The following PDE1A variants were observed in gnomAD, a reference collection of about 807,000 sequenced individuals.
PDE1A encodes the protein phosphodiesterase 1A.
PDE1A carries 35 observed loss-of-function variants against 61.7 expected under a neutral mutation model. The ratio of observed to expected loss-of-function variants is 0.57; its 90% CI spans 0.43 to 0.75. The LOEUF (loss-of-function observed/expected upper bound fraction) is 0.75. Among genes scored for constraint, PDE1A ranks in the 30% least tolerant of loss-of-function variants. The pLI is 0.00. For synonymous variants in PDE1A, 232 were observed against 213.2 expected (o/e 1.09, Z -0.77); for missense variants, 597 against 630.6 (o/e 0.95, Z 0.57).
At chr2:182,237,503 A>G (rs1690123160) in intron 3 of PDE1A, among the ~76,000 whole-genome samples, 1 of 152,116 alleles carries the variant, frequency 6.6e-6, no homozygotes, top group Non-Finnish European at 1.5e-5. Flanking sequence ...AAACACACAA[A>G]CAAAAAACAA....
intron 7 of PDE1A, among the ~76,000 whole-genome samples, chr2:182,210,412 A>C (rs574303562): frequency 6.6e-6 from 1 of 152,300 alleles, no homozygotes; most frequent in Non-Finnish European, 1.5e-5. Flanking sequence ...CATGATATGG[A>C]ATATCTTTTC....
chr2:182,221,624 T>A (rs1476580891), intron 7 of PDE1A, among the ~76,000 whole-genome samples: 1 of 152,050 alleles, frequency 6.6e-6, no homozygotes, highest in Non-Finnish European at 1.5e-5. Context: ...ACAGACAGAA[T>A]GCCCTCCCCA....
At chr2:182,360,960 G>A (rs1426413148) in intron 1 of PDE1A, among the ~76,000 whole-genome samples, 2 of 151,918 alleles carry the variant, frequency 1.3e-5, no homozygotes, top group African/African-American at 4.8e-5. Flanking sequence ...AATAATAAAG[G>A]CTTATTTGTC....
chr2:182,614,551 ATC>A, the PDE1A span, among the ~76,000 whole-genome samples: 3 of 139,860 alleles, frequency 2.1e-5, no homozygotes, highest in South Asian at 2.3e-4. Flanking sequence ...TAACTAGCAT[ATC>A]TTTTTTTTTT....
chr2:182,503,440 G>A (rs965461132), intron 2 of PDE1A, among the ~76,000 whole-genome samples: 1 of 152,152 alleles, frequency 6.6e-6, no homozygotes, highest in African/African-American at 2.4e-5. Flanking sequence ...TCTTATCAAG[G>A]CTTGCTGGAT....
Position 182,243,005 on chromosome 2 carries a change from C to T in PDE1A, c.168-2713G>A, listed in dbSNP as rs73046097. 7.2e-3 allele frequency among the ~76,000 whole-genome samples: 1,081 copies of T among 150,132 alleles called. 10 individuals are homozygous for T. The highest frequency in any genetic ancestry group is 0.024 in the African/African-American group (987 of 40,650). ...ATCTTTCCATCATTTATGAATGCTGCGTGATAACTACCAGTGTAGGTTATA... is the reference window on the plus strand; with the variant it reads ...ATCTTTCCATCATTTATGAATGCTGTGTGATAACTACCAGTGTAGGTTATA... On this transcript the variant is annotated intron_variant, in intron 2 of 13. Transcript: ENST00000351439.
chr2:182,416,627 T>C (rs767755836), intron 1 of PDE1A, among the ~76,000 whole-genome samples: 34 of 152,006 alleles, frequency 2.2e-4, no homozygotes, highest in Non-Finnish European at 4.4e-4. Flanking sequence ...CCAGAAAACA[T>C]AAATAAGAAA....
intron 13 of PDE1A, among the ~76,000 whole-genome samples, chr2:182,172,577 T>C (rs1156771017): frequency 6.6e-6 from 1 of 152,040 alleles, no homozygotes; most frequent in East Asian, 1.9e-4. Flanking sequence ...CCACTCTTAC[T>C]AGAACTCTAA....
At chr2:182,457,227 GC>G (rs1453469759) in intron 2 of PDE1A, among the ~76,000 whole-genome samples, 2 of 151,880 alleles carry the variant, frequency 1.3e-5, no homozygotes, top group Non-Finnish European at 2.9e-5. Context: ...GATTCTTTTT[GC>G]AAAATTTTTA....
intron 2 of PDE1A, among the ~76,000 whole-genome samples, chr2:182,521,801 A>G (rs990706648): frequency 1.3e-5 from 2 of 152,132 alleles, no homozygotes; most frequent in African/African-American, 4.8e-5. Context: ...TTTTTCTTAT[A>G]GAAATATCAT....
At chr2:182,317,183 C>T (rs1696390424) in intron 1 of PDE1A, among the ~76,000 whole-genome samples, 1 of 152,022 alleles carries the variant, frequency 6.6e-6, no homozygotes, top group Non-Finnish European at 1.5e-5. Flanking sequence ...TATGTAGCTC[C>T]AGAGTTGTTT....
intron 1 of PDE1A, among the ~76,000 whole-genome samples, chr2:182,305,734 A>G (rs1005735976): frequency 2.6e-5 from 4 of 152,178 alleles, no homozygotes; most frequent in Non-Finnish European, 4.4e-5. Context: ...TTAAAAGTAG[A>G]TAATTATTTT....
At chr2:182,441,220 A>C (rs1208949981) in intron 2 of PDE1A, among the ~76,000 whole-genome samples, 3 of 152,044 alleles carry the variant, frequency 2.0e-5, no homozygotes, top group African/African-American at 7.2e-5. Context: ...CCCATGATTC[A>C]ATTATCTCCA....
chr2:182,393,012 C>G (rs1042382015), intron 1 of PDE1A, among the ~76,000 whole-genome samples: 5 of 152,230 alleles, frequency 3.3e-5, no homozygotes, highest in Non-Finnish European at 5.9e-5. Context: ...CAGTAGCCTT[C>G]TTCTCACAGC....
intron 2 of PDE1A, among the ~76,000 whole-genome samples, chr2:182,477,832 A>C (rs1687465636): frequency 6.6e-6 from 1 of 151,950 alleles, no homozygotes; most frequent in South Asian, 2.1e-4. Flanking sequence ...CTTTTGACAG[A>C]AGCTGTATGA....
upstream of PDE1A, among the ~76,000 whole-genome samples, chr2:182,527,557 A>T (rs1213310714): frequency 6.6e-6 from 1 of 150,916 alleles, no homozygotes; most frequent in Non-Finnish European, 1.5e-5. Flanking sequence ...CCCCATGTCA[A>T]AAAAAGAAAA....
chr2:182,560,369 C>T, the PDE1A span, among the ~76,000 whole-genome samples: 2 of 151,364 alleles, frequency 1.3e-5, no homozygotes, highest in Non-Finnish European at 1.5e-5. Flanking sequence ...CAGTTTCATC[C>T]ATGTCCCTAC....
At chr2:182,350,875 A>G (rs1394935403) in intron 1 of PDE1A, among the ~76,000 whole-genome samples, 1 of 151,940 alleles carries the variant, frequency 6.6e-6, no homozygotes, top group Non-Finnish European at 1.5e-5. Flanking sequence ...TGACTCACCC[A>G]CCTATCATTA....
At chr2:182,191,946 C>T (rs1191171193) in intron 10 of PDE1A, among the ~76,000 whole-genome samples, 1 of 151,828 alleles carries the variant, frequency 6.6e-6, no homozygotes, top group Non-Finnish European at 1.5e-5. Context: ...ACCTCTGCCT[C>T]CCAGGTTCAA....
Sources: allele counts gnomAD v4.1 joint callset (sites outside exome capture counted in the v4.1 genomes callset), GRCh38; gene constraint gnomAD v4.1.1; transcripts MANE v1.5; gene names NCBI Gene and HGNC (gene_info 2026-07-23, HGNC 2026-07-21).